Variants in EXOC3 observed in about 807,000 individuals in gnomAD.
EXOC3 encodes the protein SEC6-like 1.
Under a neutral mutation model 73.7 loss-of-function variants are expected in EXOC3, and 21 were observed. That is an observed-to-expected ratio of 0.29 (90% CI 0.20 to 0.41). The LOEUF (loss-of-function observed/expected upper bound fraction) is 0.41, where lower values mean the gene tolerates loss of function less well. Ranked by LOEUF, EXOC3 falls within the 10% of genes least tolerant of loss-of-function variation. The pLI, the probability that EXOC3 is intolerant of heterozygous loss-of-function variation, is 1.00. For missense variants in EXOC3, 842 were observed against 985.1 expected, an observed-to-expected ratio of 0.85 and a Z score of 1.95; for synonymous variants, 410 against 389.1, an observed-to-expected ratio of 1.05 and a Z score of -0.63.
intron 12 of EXOC3, chr5:466,506 A>T: frequency 1.8e-6 from 1 of 546,566 alleles, no homozygotes; most frequent in Non-Finnish European, 3.2e-6. Flanking sequence ...AGATTTATAA[A>T]AGCAGTGTTG....
intron 3 of EXOC3, among the ~76,000 whole-genome samples, chr5:451,333 A>T (rs1737654696): frequency 1.3e-5 from 2 of 151,796 alleles, no homozygotes; most frequent in Admixed American, 6.6e-5. Context: ...CTTCATCTCC[A>T]CTCCCTTTGG....
chr5:466,921 G>A lies in EXOC3; in HGVS notation c.*23G>A. On this transcript the variant is annotated 3_prime_UTR_variant, in exon 13 of 13. Coordinates refer to ENST00000512944, the MANE Select transcript of EXOC3 (RefSeq NM_007277.5). ...TAGCCTCCGCCGGCCTGCCCTGCTC[G>A]CCCCTCCACAGCCTCGGTCCCTGCC... 3.2e-6 allele frequency: 5 copies of A among 1,573,632 alleles called. No individual in the cohort carries two copies. Among genetic ancestry groups the A allele is most frequent in the Non-Finnish European group, 3.5e-6 (4 of 1,159,230 alleles).
Position 466,809 on chromosome 5 carries a change from C to G in EXOC3, c.2149C>G (p.Gln717Glu), listed in dbSNP as rs1238540760. The G allele has an allele frequency of 6.2e-7, 1 of 1,613,500 alleles. No individual in the cohort carries two copies. The change falls in exon 13 of 13, where the codon CAG becomes GAG. Residue 717 changes from glutamine to glutamate, a missense_variant. Coordinates refer to ENST00000512944, the MANE Select transcript of EXOC3 (RefSeq NM_007277.5). ...GCAGACCATCATGGAGACCCTGGAGCAGGGCCCAGCACAGGCCAGCCCCAG... is the reference window on the plus strand; with the variant it reads ...GCAGACCATCATGGAGACCCTGGAGGAGGGCCCAGCACAGGCCAGCCCCAG... ...MKQTIMETLE[Q>E]GPAQASPSYV... is the part of the protein sequence containing the mutation.
At chr5:463,128 A>G (rs1298194015) in intron 9 of EXOC3, among the ~76,000 whole-genome samples, 8 of 152,104 alleles carry the variant, frequency 5.3e-5, no homozygotes, top group African/African-American at 1.9e-4. Context: ...CAACAAAATA[A>G]TAAGACCATG....
At position 457,337 on chromosome 5, in the gene EXOC3, G is replaced by GT. The variant is rs1205362658; in HGVS notation, c.1164+331_1164+332insT. The GT allele has an allele frequency of 2.0e-5, 7 of 353,408 alleles. No individual in the cohort carries two copies. In the East Asian group the frequency reaches 2.5e-4, roughly 12 times the overall value. The allele number at this position is 353,408 out of a possible 1,614,324, so 21.9% of individuals were successfully genotyped here. A position where few individuals can be genotyped will look rare whatever the true frequency, so the allele number is the denominator to read the frequency against. ...CGGCTCTGAGTCCCATGGTTGGGGG[G>GT]GTCCGTCAAGGACCAAAGGGCGAGT... On this transcript the variant is annotated intron_variant, in intron 5 of 12. Transcript: ENST00000512944.
intron 4 of EXOC3, among the ~76,000 whole-genome samples, chr5:455,651 A>C (rs1166774426): frequency 6.6e-6 from 1 of 152,152 alleles, no homozygotes; most frequent in African/African-American, 2.4e-5. Context: ...AGACTTAAAA[A>C]AACTTTTTAA....
chr5:463,319 T>C (rs180923303), intron 9 of EXOC3, among the ~76,000 whole-genome samples: 12 of 152,328 alleles, frequency 7.9e-5, no homozygotes, highest in African/African-American at 2.6e-4. Flanking sequence ...CATTTGAAAT[T>C]ATTTCAAAAT....
In EXOC3 at chr5:450,212, C is replaced by T. The variant is rs568639896; in HGVS notation, c.364+2460C>T. On this transcript the variant is annotated intron_variant, in intron 3 of 12. Coordinates refer to ENST00000512944, the MANE Select transcript of EXOC3 (RefSeq NM_007277.5). ...AGTGAGCCGAGATCGCACCACTGCA[C>T]TCCAGCCAGGGGGACAAGAGCGAGA... 9.2e-5 allele frequency among the ~76,000 whole-genome samples: 14 copies of T among 152,342 alleles called. No homozygotes were observed. The South Asian group carries it at 2.9e-3, about 32-fold the overall frequency.
At position 443,239 on chromosome 5, in the gene EXOC3, GGCGGCGGC is replaced by G. The variant is rs1737386752; in HGVS notation, c.-106_-99del. On this transcript the variant is annotated 5_prime_UTR_variant, in exon 1 of 13. Transcript: ENST00000512944. ...CGGAGGGGGCGGCGGGGGCGGCGGC[GGCGGCGGC>G]GGCGGCGGCGGCGGCGGCGGCGGCG... The G allele has an allele frequency of 9.3e-3, 55 of 5,916 alleles. 1 individual carries two copies. Among genetic ancestry groups the G allele is most frequent in the Middle Eastern group, 0.038 (1 of 26 alleles). The allele number at this position is 5,916 out of a possible 1,614,324, so 0.4% of individuals were successfully genotyped here.
At chr5:465,985 G>A (rs1579747609) in intron 12 of EXOC3, 140 bp downstream of exon 12, 3 of 941,716 alleles carry the variant, frequency 3.2e-6, no homozygotes, top group East Asian at 2.7e-5. Context: ...GCGGCACAGC[G>A]GGGCCCAGGC....
chr5:460,699 C>T (rs541824747), intron 7 of EXOC3, among the ~76,000 whole-genome samples: 97 of 152,294 alleles, frequency 6.4e-4, no homozygotes, highest in African/African-American at 2.0e-3. Flanking sequence ...CCCCATTGGC[C>T]TTCTATCCAC....
At chr5:465,312 C>CT (rs1230604062) in intron 11 of EXOC3, 40 bp downstream of exon 11, 2 of 1,550,196 alleles carry the variant, frequency 1.3e-6, no homozygotes, top group South Asian at 2.4e-5. Flanking sequence ...AGGCCTGTCG[C>CT]TCCGCGGCCC....
At chr5:454,867 CA>C (rs1737758597) in intron 4 of EXOC3, among the ~76,000 whole-genome samples, 1 of 73,466 alleles carries the variant, frequency 1.4e-5, no homozygotes, top group Non-Finnish European at 2.5e-5. Context: ...GAATAAACCT[CA>C]TTTTTTTTTT....
chr5:462,148 T>C lies in EXOC3; in HGVS notation c.1503-9T>C, dbSNP rs759871234. ...GCCGCTGTGTTGAACCTGAACCCTT[T>C]CCTTGCAGGGAATCCATAGTCAGTT... On this transcript the variant is annotated splice_polypyrimidine_tract_variant and intron_variant, in intron 8 of 12. Coordinates refer to ENST00000512944, the MANE Select transcript of EXOC3 (RefSeq NM_007277.5). 1 of 1,613,684 alleles carries C rather than the reference T, an allele frequency of 6.2e-7. No individual in the cohort carries two copies. Among genetic ancestry groups the C allele is most frequent in the Non-Finnish European group, 8.5e-7 (1 of 1,179,708 alleles).
intron 3 of EXOC3, among the ~76,000 whole-genome samples, chr5:452,816 T>C (rs1730575600): frequency 6.6e-6 from 1 of 152,244 alleles, no homozygotes; most frequent in Admixed American, 6.5e-5. Flanking sequence ...GCAGTTACTT[T>C]TGAATGTCTT....
Position 454,014 on chromosome 5 carries a change from G to A in EXOC3, c.1009G>A (p.Val337Met). Residue 337 changes from valine to methionine, a missense_variant, in exon 4 of 13, where the codon GTG becomes ATG. Transcript: ENST00000512944. ...ASEDLEANEI[V>M]SLLTWVLNTY... ...GGAAGACCTGGAAGCCAATGAGATCGTGAGCCTCTTGACGTGGGTCTTAAA... is the reference window on the plus strand; with the variant it reads ...GGAAGACCTGGAAGCCAATGAGATCATGAGCCTCTTGACGTGGGTCTTAAA... 1 of 1,612,662 alleles carries A rather than the reference G, an allele frequency of 6.2e-7. No individual in the cohort carries two copies. The highest frequency in any genetic ancestry group is 8.5e-7 in the Non-Finnish European group (1 of 1,179,240).
At chr5:464,755 T>C in intron 10 of EXOC3, 1 of 411,944 alleles carries the variant, frequency 2.4e-6, no homozygotes, top group South Asian at 2.8e-5. Flanking sequence ...AGGTTCCTCT[T>C]TCCTCCAAAG....
Position 446,302 on chromosome 5 carries a change from C to CGCAGG in EXOC3, c.98_102dup (p.Arg35AlafsTer15). ...CCAGCTGGACAAGGTGGAGCAGTAT[C>CGCAGG]GCAGGAGAGAAGCGCGGAAGAAGGC... On this transcript the variant is annotated frameshift_variant, in exon 2 of 13. Coordinates refer to ENST00000512944, the MANE Select transcript of EXOC3 (RefSeq NM_007277.5). LOFTEE classifies it high-confidence loss of function. 6.2e-7 allele frequency: 1 copy of CGCAGG among 1,613,734 alleles called. No homozygotes were observed. The highest frequency in any genetic ancestry group is 1.1e-5 in the South Asian group (1 of 91,068).
Position 456,896 on chromosome 5 carries a change from A to T in EXOC3, c.1054A>T (p.Met352Leu). The T allele has an allele frequency of 6.2e-7, 1 of 1,613,226 alleles. No individual in the cohort carries two copies. Among genetic ancestry groups the T allele is most frequent in the Non-Finnish European group, 8.5e-7 (1 of 1,179,202 alleles). Reference protein sequence around the residue: ...WVLNTYTSTEMMRNVELAPEV... With the variant: ...WVLNTYTSTELMRNVELAPEV... Reference sequence around the variant, plus strand: ...TTCCTGGTTCCCCCATAGTACTGAGATGATGAGGAACGTGGAGCTGGCCCC... The same window carrying T: ...TTCCTGGTTCCCCCATAGTACTGAGTTGATGAGGAACGTGGAGCTGGCCCC... The change falls in exon 5 of 13, where the codon ATG (methionine) becomes TTG (leucine). Residue 352 changes from methionine to leucine, a missense_variant. Physicochemically the swap from Met to Leu is conservative, Grantham distance 15 (BLOSUM62 2). Transcript: ENST00000512944.
Sources: gnomAD v4.1 joint callset for allele counts (sites outside exome capture counted in the v4.1 genomes callset) on GRCh38, gnomAD v4.1.1 for gene constraint, MANE v1.5 for transcripts, NCBI Gene and HGNC (gene_info 2026-07-23, HGNC 2026-07-21) for gene names.